The following MYT1L variants were observed in gnomAD, a reference collection of about 807,000 sequenced individuals.
MYT1L encodes myelin transcription factor 1-like protein.
In MYT1L, 12 loss-of-function variants were observed where a neutral mutation model predicts 126.7. That is an observed-to-expected ratio of 0.09 (90% CI 0.06 to 0.15). MYT1L has a LOEUF of 0.15. Ranked by LOEUF, MYT1L falls within the 10% of genes least tolerant of loss-of-function variation. The probability of loss-of-function intolerance (pLI) is 1.00; values close to 1 mark genes in which losing one functional copy is unlikely to be tolerated. For missense variants in MYT1L, 979 were observed against 1,585.2 expected (o/e 0.62, Z 6.49); for synonymous variants, 541 against 604.2 (o/e 0.90, Z 1.53).
chr2:1,806,478 T>C lies in MYT1L; in HGVS notation c.3172+2598A>G, dbSNP rs2035737350. Among the ~76,000 whole-genome samples, 1 of 152,208 alleles carries C rather than the reference T, an allele frequency of 6.6e-6. No individual in the cohort carries two copies. Among genetic ancestry groups the C allele is most frequent in the Non-Finnish European group, 1.5e-5 (1 of 68,036 alleles). ...GGACGGTGGCCCTGGAATGCCCGTG[T>C]CCCGGCTGCTTTCTGGTGGGATGAC... is the stretch of plus-strand genomic sequence containing the variant. On this transcript the variant is annotated intron_variant, in intron 22 of 24. Coordinates refer to ENST00000647738, the MANE Select transcript of MYT1L (RefSeq NM_001303052.2). This position sits in a 1 kb window ranked among gnomAD's most constrained non-coding sequence, Gnocchi z 4.9.
At chr2:1,895,271 G>A (rs1464644184) in intron 14 of MYT1L, among the ~76,000 whole-genome samples, 1 of 152,130 alleles carries the variant, frequency 6.6e-6, no homozygotes, top group Non-Finnish European at 1.5e-5. Flanking sequence ...TGTTAAAATG[G>A]CCATACTGCC....
intron 5 of MYT1L, among the ~76,000 whole-genome samples, chr2:1,985,911 C>T (rs1431331568): frequency 6.6e-6 from 1 of 152,188 alleles, no homozygotes; most frequent in Non-Finnish European, 1.5e-5. Flanking sequence ...CCCCCAGCCT[C>T]TCCCTCAGAT....
At chr2:2,131,195 C>G (rs939823554) in intron 3 of MYT1L, among the ~76,000 whole-genome samples, 2 of 152,158 alleles carry the variant, frequency 1.3e-5, no homozygotes, top group Non-Finnish European at 2.9e-5. Flanking sequence ...ACACAGAGCT[C>G]ACCTCGTGCA....
chr2:2,108,124 C>T (rs1279510045), intron 3 of MYT1L, among the ~76,000 whole-genome samples: 1 of 152,126 alleles, frequency 6.6e-6, no homozygotes, highest in Non-Finnish European at 1.5e-5. Flanking sequence ...TCAAAGCCCC[C>T]TTATTCGGAG....
chr2:1,884,826 C>T (rs2047972091), intron 18 of MYT1L, among the ~76,000 whole-genome samples: 1 of 152,180 alleles, frequency 6.6e-6, no homozygotes, highest in Non-Finnish European at 1.5e-5. Context: ...CGCACCCTGC[C>T]CTGGAAGGCA....
chr2:1,842,954 C>CTTCCAGGCGCTTCCTT (rs1558728001), intron 19 of MYT1L: 12 of 165,040 alleles, frequency 7.3e-5, no homozygotes, highest in African/African-American at 3.0e-4. Flanking sequence ...GGCGCTTCCG[C>CTTCCAGGCGCTTCCTT]TTCCAGGCGC....
At position 1,852,693 on chromosome 2, in the gene MYT1L, T is replaced by C. The variant is rs553205573; in HGVS notation, c.2712-990A>G. Among the ~76,000 whole-genome samples the C allele has an allele frequency of 6.6e-6, 1 of 152,280 alleles. No homozygotes were observed. Among genetic ancestry groups the C allele is most frequent in the East Asian group, 1.9e-4 (1 of 5,176 alleles). Reference sequence around the variant, plus strand: ...TAAGAAAAAATTCCCTTTATTTCCATTACATTTGTAATTCTCCAAAAATGA... The same window carrying C: ...TAAGAAAAAATTCCCTTTATTTCCACTACATTTGTAATTCTCCAAAAATGA... On this transcript the variant is annotated intron_variant, in intron 18 of 24. Transcript: ENST00000647738. This position sits in a 1 kb window ranked among gnomAD's most constrained non-coding sequence, Gnocchi z 4.0.
intron 3 of MYT1L, among the ~76,000 whole-genome samples, chr2:2,121,510 T>C (rs2081011085): frequency 6.9e-6 from 1 of 145,848 alleles, no homozygotes; most frequent in Admixed American, 6.9e-5. Context: ...TGAGATGGAG[T>C]TTGTTTCGCT....
chr2:2,211,225 G>C (rs1476233751), intron 2 of MYT1L, among the ~76,000 whole-genome samples: 1 of 152,128 alleles, frequency 6.6e-6, no homozygotes, highest in Non-Finnish European at 1.5e-5. Context: ...AAATCTGAAA[G>C]TTTTTAAGAG....
intron 3 of MYT1L, among the ~76,000 whole-genome samples, chr2:2,161,742 C>T (rs1451700743): frequency 6.6e-6 from 1 of 152,128 alleles, no homozygotes; most frequent in Non-Finnish European, 1.5e-5. Flanking sequence ...GTGGATGCAT[C>T]AGCTCAGTGA....
chr2:2,004,243 G>GTTCTTTCCTGCATGCA (rs2062821159), intron 4 of MYT1L, among the ~76,000 whole-genome samples: 1 of 87,218 alleles, frequency 1.1e-5, no homozygotes. Context: ...TCCTGCAGGC[G>GTTCTTTCCTGCATGCA]TTCTTTCCTG....
intron 9 of MYT1L, among the ~76,000 whole-genome samples, chr2:1,924,902 G>C (rs2054027347): frequency 6.6e-6 from 1 of 152,146 alleles, no homozygotes; most frequent in Non-Finnish European, 1.5e-5. Flanking sequence ...AAGCTTTTAG[G>C]ACTTGAAGTC....
intron 18 of MYT1L, chr2:1,884,033 G>C (rs545381756): frequency 4.6e-5 from 7 of 152,348 alleles, no homozygotes; most frequent in Admixed American, 3.9e-4. Context: ...TAAGAGCTTA[G>C]AGGATCCAAG....
chr2:2,151,084 T>C (rs1218664131), intron 3 of MYT1L, among the ~76,000 whole-genome samples: 1 of 152,132 alleles, frequency 6.6e-6, no homozygotes, highest in East Asian at 1.9e-4. Flanking sequence ...AAAATGACAG[T>C]AAAAACTTTG....
chr2:2,289,439 T>C (rs1409928787), intron 1 of MYT1L, among the ~76,000 whole-genome samples: 1 of 152,244 alleles, frequency 6.6e-6, no homozygotes, highest in Non-Finnish European at 1.5e-5. Flanking sequence ...TAGTTTCATA[T>C]AGTGAGCTAA....
At chr2:2,175,470 C>T (rs1347076071) in intron 2 of MYT1L, among the ~76,000 whole-genome samples, 1 of 151,896 alleles carries the variant, frequency 6.6e-6, no homozygotes, top group African/African-American at 2.4e-5. Flanking sequence ...CCTAAAAGCT[C>T]CGTGTGAGAT....
intron 8 of MYT1L, among the ~76,000 whole-genome samples, chr2:1,957,348 G>C (rs2058576232): frequency 6.6e-6 from 1 of 152,070 alleles, no homozygotes; most frequent in South Asian, 2.1e-4. Context: ...TGATTTCTGG[G>C]ATTTTAGTGG....
chr2:2,007,438 A>G (rs917259680), intron 4 of MYT1L, among the ~76,000 whole-genome samples: 12 of 152,248 alleles, frequency 7.9e-5, no homozygotes, highest in African/African-American at 2.9e-4. Flanking sequence ...AAACAGAATT[A>G]CAGAAACTGT....
intron 8 of MYT1L, among the ~76,000 whole-genome samples, chr2:1,956,828 C>T (rs1162659412): frequency 6.8e-6 from 1 of 146,230 alleles, no homozygotes; most frequent in South Asian, 2.2e-4. Context: ...TAGTGAAAAG[C>T]AAAAAAAAAA....
Sources: gnomAD v4.1 joint callset for allele counts (sites outside exome capture counted in the v4.1 genomes callset) on GRCh38, gnomAD v4.1.1 for gene constraint, Gnocchi (gnomAD v3.1) non-coding constraint, MANE v1.5 for transcripts, NCBI Gene and HGNC (gene_info 2026-07-23, HGNC 2026-07-21) for gene names.